The following PLD5 variants were observed in gnomAD, a reference collection of about 807,000 sequenced individuals.
The protein encoded by PLD5 is inactive phospholipase D5.
A neutral mutation model predicts 61.1 loss-of-function variants in PLD5; 36 were observed. That is an observed-to-expected ratio of 0.59 (90% confidence interval 0.45 to 0.78). The LOEUF is 0.78. Among genes scored for constraint, PLD5 ranks in the 30% least tolerant of loss-of-function variants. The pLI is 0.00. For missense variants in PLD5, 515 were observed against 644.4 expected, an observed-to-expected ratio of 0.80 and a Z score of 2.17; for synonymous variants, 243 against 242.8, an observed-to-expected ratio of 1.00 and a Z score of -0.01.
At chr1:242,254,529 G>T (rs961644937) in intron 4 of PLD5, among the ~76,000 whole-genome samples, 16 of 152,156 alleles carry the variant, frequency 1.1e-4, no homozygotes, top group Admixed American at 1.0e-3. Flanking sequence ...AATTAGCCAG[G>T]CATTGTGGTG....
intron 1 of PLD5, among the ~76,000 whole-genome samples, chr1:242,468,598 G>A (rs1416651333): frequency 6.6e-6 from 1 of 151,820 alleles, no homozygotes; most frequent in Non-Finnish European, 1.5e-5. Context: ...CATACACATT[G>A]TTCTGAAACA....
chr1:242,485,944 G>A (rs193157266), intron 1 of PLD5, among the ~76,000 whole-genome samples: 16 of 152,156 alleles, frequency 1.1e-4, no homozygotes, highest in Non-Finnish European at 1.9e-4. Flanking sequence ...TGACAAACCT[G>A]ACAAAAACAA....
chr1:242,290,991 A>G (rs966869925), intron 2 of PLD5, among the ~76,000 whole-genome samples: 1 of 152,110 alleles, frequency 6.6e-6, no homozygotes, highest in Non-Finnish European at 1.5e-5. Context: ...CCGCCCCCAC[A>G]TGATTGACAA....
intron 5 of PLD5, among the ~76,000 whole-genome samples, chr1:242,170,332 C>T (rs547238941): frequency 6.6e-6 from 1 of 152,326 alleles, no homozygotes; most frequent in South Asian, 2.1e-4. Flanking sequence ...AGCAGACCCA[C>T]AGCAGAGGGG....
chr1:242,266,796 G>A lies in PLD5; in HGVS notation c.496-1348C>T, dbSNP rs145202051. On this transcript the variant is annotated intron_variant, in intron 3 of 9. Transcript: ENST00000536534. ...AATGGTAGAAATGTGGAGGCAGAGA[G>A]GTGATTCCTGCAATTCAGCCTTAGA... 7.2e-5 allele frequency among the ~76,000 whole-genome samples: 11 copies of A among 152,322 alleles called. 1 individual carries two copies. The highest frequency in any genetic ancestry group is 2.4e-4 in the African/African-American group (10 of 41,574).
chr1:242,260,230 C>T (rs1269471097), intron 4 of PLD5, among the ~76,000 whole-genome samples: 8 of 151,738 alleles, frequency 5.3e-5, no homozygotes, highest in Non-Finnish European at 1.0e-4. Flanking sequence ...ACCTATAATC[C>T]CAGCTACTTG....
In PLD5 at chr1:242,111,993, A is replaced by T. The variant is rs568766382; in HGVS notation, c.1070+1897T>A. On this transcript the variant is annotated intron_variant, in intron 7 of 9. Coordinates refer to ENST00000536534, the MANE Select transcript of PLD5 (RefSeq NM_001372062.1). ...AATTATTTACCTCTTGACCAGGAAG[A>T]ATCTCAATTTTGTTCATAGAACTTC... Among the ~76,000 whole-genome samples, 7 of 152,288 alleles carry T rather than the reference A, an allele frequency of 4.6e-5. No individual in the cohort carries two copies. In the South Asian group the frequency reaches 1.5e-3, roughly 32 times the overall value.
At chr1:242,374,896 T>A (rs532038190) in intron 1 of PLD5, among the ~76,000 whole-genome samples, 1 of 152,364 alleles carries the variant, frequency 6.6e-6, no homozygotes, top group East Asian at 1.9e-4. Context: ...TAAATTTGTA[T>A]GTCTTTCTCT....
chr1:242,217,621 T>C (rs917164572), intron 5 of PLD5, among the ~76,000 whole-genome samples: 1 of 152,082 alleles, frequency 6.6e-6, no homozygotes, highest in East Asian at 1.9e-4. Flanking sequence ...CAAAACTCCA[T>C]CTCAAAAAAA....
At chr1:242,267,135 A>G (rs1673730110) in intron 3 of PLD5, among the ~76,000 whole-genome samples, 1 of 141,194 alleles carries the variant, frequency 7.1e-6, no homozygotes, top group African/African-American at 2.9e-5. Flanking sequence ...TAAATAAAAA[A>G]ACAAAAAAAA....
At chr1:242,163,343 CTG>C (rs1346264843) in intron 5 of PLD5, among the ~76,000 whole-genome samples, 1 of 151,956 alleles carries the variant, frequency 6.6e-6, no homozygotes, top group Non-Finnish European at 1.5e-5. Flanking sequence ...CGGGGTTTCA[CTG>C]TGTTAGCCAG....
intron 2 of PLD5, among the ~76,000 whole-genome samples, chr1:242,315,979 G>C (rs1676980987): frequency 6.6e-6 from 1 of 152,158 alleles, no homozygotes; most frequent in South Asian, 2.1e-4. Flanking sequence ...AAGTCAAATG[G>C]GCCTGGGCTT....
In PLD5 at chr1:242,432,382, C is replaced by A. The variant is rs1394062; in HGVS notation, c.190-84140G>T. On this transcript the variant is annotated intron_variant, in intron 1 of 9. Coordinates refer to ENST00000536534, the MANE Select transcript of PLD5 (RefSeq NM_001372062.1). ...AAACGAGCTTAGACAAGGCTACAGGCGAGGCTGCCAACGTAGGGGACACTC... is the reference window on the plus strand; with the variant it reads ...AAACGAGCTTAGACAAGGCTACAGGAGAGGCTGCCAACGTAGGGGACACTC... Among the ~76,000 whole-genome samples the A allele has an allele frequency of 7.1e-3, 1,084 of 152,274 alleles. 14 individuals carry two copies. Among genetic ancestry groups the A allele is most frequent in the African/African-American group, 0.025 (1,044 of 41,542 alleles).
At chr1:242,189,996 T>C (rs1351979547) in intron 5 of PLD5, among the ~76,000 whole-genome samples, 2 of 151,704 alleles carry the variant, frequency 1.3e-5, no homozygotes, top group Non-Finnish European at 2.9e-5. Context: ...GAAGATTCAA[T>C]TGAAACTCAA....
intron 5 of PLD5, among the ~76,000 whole-genome samples, chr1:242,177,323 C>A (rs551795832): frequency 6.2e-4 from 94 of 152,156 alleles, no homozygotes; most frequent in African/African-American, 2.2e-3. Flanking sequence ...GAACAGAAAA[C>A]CAAACACCAC....
At chr1:242,454,331 CAAAA>C (rs34186124) in intron 1 of PLD5, among the ~76,000 whole-genome samples, 65 of 128,156 alleles carry the variant, frequency 5.1e-4, no homozygotes, top group African/African-American at 1.4e-3. Context: ...GACTCCGTGT[CAAAA>C]AAAAAAAAAA....
intron 2 of PLD5, among the ~76,000 whole-genome samples, chr1:242,339,578 T>C (rs993606795): frequency 1.3e-5 from 2 of 152,220 alleles, no homozygotes; most frequent in Non-Finnish European, 2.9e-5. Context: ...TCTGCCAAAA[T>C]GCAAGTGATG....
intron 1 of PLD5, among the ~76,000 whole-genome samples, chr1:242,382,110 T>C (rs894998452): frequency 1.5e-5 from 2 of 136,934 alleles, no homozygotes; most frequent in African/African-American, 5.6e-5. Context: ...AGGCAACTGA[T>C]AGCGGAGACT....
intron 2 of PLD5, among the ~76,000 whole-genome samples, chr1:242,336,119 A>G (rs1444619284): frequency 6.6e-6 from 1 of 152,108 alleles, no homozygotes; most frequent in African/African-American, 2.4e-5. Context: ...TTAAAAATAC[A>G]TTTTTTTCTT....
Sources: allele counts gnomAD v4.1 joint callset (sites outside exome capture counted in the v4.1 genomes callset), GRCh38; gene constraint gnomAD v4.1.1; transcripts MANE v1.5; gene names NCBI Gene and HGNC (gene_info 2026-07-23, HGNC 2026-07-21).